The following NRXN1 variants were observed in gnomAD, a reference collection of about 807,000 sequenced individuals.
NRXN1 encodes neurexin-1.
A neutral mutation model predicts 150.9 loss-of-function variants in NRXN1; 39 were observed. The ratio of observed to expected loss-of-function variants is 0.26; its 90% CI spans 0.20 to 0.34. NRXN1 has a LOEUF of 0.34. NRXN1 is among the 10% of genes least tolerant of loss of function. NRXN1 has a pLI of 1.00. For missense variants in NRXN1, 1,815 were observed against 1,949.9 expected (o/e 0.93, Z 1.30); for synonymous variants, 924 against 757.0 (o/e 1.22, Z -3.62).
intron 17 of NRXN1, among the ~76,000 whole-genome samples, chr2:50,262,336 T>C (rs114077161): frequency 0.01 from 1,580 of 152,008 alleles, 28 homozygotes; most frequent in African/African-American, 0.036. Flanking sequence ...TCTAAAATCA[T>C]ATACCCTACA....
rs1385868270 is a variant in NRXN1 at position 50,816,562 on chromosome 2, T to C, written c.832+105307A>G. 3.3e-5 allele frequency among the ~76,000 whole-genome samples: 5 copies of C among 152,202 alleles called. No individual in the cohort carries two copies. The East Asian group carries it at 7.7e-4, about 23-fold the overall frequency. ...GCTCATCTGGATTTATCTTGCGTTA[T>C]GCTTTTTTAATCAAAAATTCTTCAA... On this transcript the variant is annotated intron_variant, in intron 5 of 22. Transcript: ENST00000401669.
intron 5 of NRXN1, among the ~76,000 whole-genome samples, chr2:50,696,790 A>G (rs1692951466): frequency 6.6e-6 from 1 of 152,148 alleles, no homozygotes; most frequent in African/African-American, 2.4e-5. Context: ...TTAATTACTA[A>G]GTTTCATATA....
chr2:50,261,599 T>C (rs980097522), intron 17 of NRXN1, among the ~76,000 whole-genome samples: 3 of 151,938 alleles, frequency 2.0e-5, no homozygotes, highest in African/African-American at 7.2e-5. Flanking sequence ...AAAAGTGATA[T>C]GTGTGTTAAA....
chr2:50,143,403 T>C (rs1478198494), intron 18 of NRXN1, among the ~76,000 whole-genome samples: 1 of 151,896 alleles, frequency 6.6e-6, no homozygotes, highest in Non-Finnish European at 1.5e-5. Context: ...ACTCAGGCAA[T>C]GGATCATGCT....
intron 18 of NRXN1, among the ~76,000 whole-genome samples, chr2:50,140,155 G>T (rs149713619): frequency 1.3e-5 from 2 of 152,078 alleles, no homozygotes; most frequent in South Asian, 4.1e-4. Flanking sequence ...ATGAAAGATT[G>T]CTTTGTCTCT....
chr2:50,925,623 T>C (rs1385547313), intron 3 of NRXN1, among the ~76,000 whole-genome samples: 4 of 151,888 alleles, frequency 2.6e-5, no homozygotes, highest in Admixed American at 2.0e-4. Context: ...TACAAAGAAA[T>C]ATTTTGTCTT....
intron 17 of NRXN1, among the ~76,000 whole-genome samples, chr2:50,397,279 C>G (rs528386215): frequency 1.8e-4 from 28 of 152,080 alleles, no homozygotes; most frequent in Admixed American, 3.3e-4. Flanking sequence ...GCTGCTCTAC[C>G]CAGTCTGTCT....
At chr2:50,826,667 A>T (rs1670489693) in intron 5 of NRXN1, among the ~76,000 whole-genome samples, 1 of 152,168 alleles carries the variant, frequency 6.6e-6, no homozygotes, top group Non-Finnish European at 1.5e-5. Flanking sequence ...TCGCTTGAAC[A>T]ACAAGGCATA....
intron 17 of NRXN1, among the ~76,000 whole-genome samples, chr2:50,376,405 C>T (rs2080499876): frequency 6.6e-6 from 1 of 151,424 alleles, no homozygotes; most frequent in Admixed American, 6.6e-5. Flanking sequence ...TAGCAAACCT[C>T]CCAAAACATA....
At chr2:50,759,641 A>G (rs1322334072) in intron 5 of NRXN1, among the ~76,000 whole-genome samples, 1 of 151,928 alleles carries the variant, frequency 6.6e-6, no homozygotes, top group Non-Finnish European at 1.5e-5. Flanking sequence ...TATGTCAGGA[A>G]TATCAGTAAG....
At chr2:50,573,545 T>C (rs1670968253) in intron 8 of NRXN1, among the ~76,000 whole-genome samples, 1 of 152,068 alleles carries the variant, frequency 6.6e-6, no homozygotes, top group South Asian at 2.1e-4. Flanking sequence ...AGTTAATTAT[T>C]AGAACATTTC....
At chr2:49,951,556 G>A (rs2104457851) in intron 21 of NRXN1, among the ~76,000 whole-genome samples, 1 of 152,106 alleles carries the variant, frequency 6.6e-6, no homozygotes, top group Admixed American at 6.6e-5. Flanking sequence ...TAGAGGTACT[G>A]AATGAGTGAT....
intron 5 of NRXN1, among the ~76,000 whole-genome samples, chr2:50,657,897 A>G (rs1386218301): frequency 6.6e-6 from 1 of 151,938 alleles, no homozygotes; most frequent in Non-Finnish European, 1.5e-5. Context: ...GGACTAGTAA[A>G]CCATGTTATT....
chr2:50,506,394 C>CA, intron 13 of NRXN1, 101 bp downstream of exon 13: 3 of 1,013,084 alleles, frequency 3.0e-6, no homozygotes, highest in Non-Finnish European at 4.2e-6. Flanking sequence ...TGTGTGAATA[C>CA]ATTTCAAGTT....
At chr2:50,603,613 T>A (rs1559004724) in intron 8 of NRXN1, among the ~76,000 whole-genome samples, 1 of 152,134 alleles carries the variant, frequency 6.6e-6, no homozygotes, top group Non-Finnish European at 1.5e-5. Context: ...CTAAGGTCAC[T>A]TAGTGTGATA....
chr2:50,631,000 A>G, intron 5 of NRXN1: 1 of 384,948 alleles, frequency 2.6e-6, no homozygotes, highest in Non-Finnish European at 5.2e-6. Context: ...ATCAAATTAA[A>G]TCCTCAGTCC....
chr2:50,111,941 C>T (rs1488190054), intron 18 of NRXN1, among the ~76,000 whole-genome samples: 1 of 152,090 alleles, frequency 6.6e-6, no homozygotes, highest in Non-Finnish European at 1.5e-5. Context: ...GGGTACCAAA[C>T]CGTAAGATAT....
intron 15 of NRXN1, among the ~76,000 whole-genome samples, chr2:50,472,711 C>T (rs1162952096): frequency 1.3e-5 from 2 of 151,256 alleles, no homozygotes; most frequent in Non-Finnish European, 2.9e-5. Context: ...ATTATGTGGT[C>T]AAATTGAAGG....
intron 5 of NRXN1, among the ~76,000 whole-genome samples, chr2:50,826,621 G>A (rs769619210): frequency 5.9e-5 from 9 of 152,046 alleles, no homozygotes; most frequent in Non-Finnish European, 8.8e-5. Flanking sequence ...TTTAAAGTGC[G>A]GTTCAGTGAG....
Sources: gnomAD v4.1 joint callset for allele counts (sites outside exome capture counted in the v4.1 genomes callset) on GRCh38, gnomAD v4.1.1 for gene constraint, MANE v1.5 for transcripts, NCBI Gene and HGNC (gene_info 2026-07-23, HGNC 2026-07-21) for gene names.